Variants in ACADM observed in about 807,000 individuals in gnomAD.
The protein encoded by ACADM is acyl-CoA dehydrogenase medium chain.
A neutral mutation model predicts 58.9 loss-of-function variants in ACADM; 49 were observed. The observed-to-expected ratio is 0.83, with a 90% confidence interval of 0.66 to 1.06. The LOEUF (loss-of-function observed/expected upper bound fraction) is 1.06. Among genes scored for constraint, ACADM ranks in the 50% least tolerant of loss-of-function variants. The pLI is 0.00. For synonymous variants in ACADM, 160 were observed against 157.7 expected, an observed-to-expected ratio of 1.01 and a Z score of -0.11; for missense variants, 496 against 507.0, an observed-to-expected ratio of 0.98 and a Z score of 0.21.
chr1:75,751,872 C>T (rs1165683081), intron 10 of ACADM, among the ~76,000 whole-genome samples: 3 of 152,030 alleles, frequency 2.0e-5, no homozygotes, highest in East Asian at 3.9e-4. Flanking sequence ...TATAAAGAGT[C>T]GTGTCTTCCA....
intron 2 of ACADM, among the ~76,000 whole-genome samples, chr1:75,731,082 C>T (rs368689652): frequency 1.0e-3 from 155 of 151,280 alleles, no homozygotes; most frequent in African/African-American, 3.6e-3. Context: ...GTCAGAAGAT[C>T]GAGATCCTGG....
At chr1:75,735,609 T>C (rs1647235603) in intron 6 of ACADM, among the ~76,000 whole-genome samples, 1 of 152,140 alleles carries the variant, frequency 6.6e-6, no homozygotes. Flanking sequence ...TCCCAGCACT[T>C]TGAGAGTCTG....
rs1260394550 is a variant in ACADM at position 75,740,005 on chromosome 1, C to G, written c.494C>G (p.Ala165Gly). Residue 165 changes from alanine to glycine, a missense_variant, in exon 7 of 12, where the codon GCA (alanine) becomes GGA (glycine). Coordinates refer to ENST00000370841, the MANE Select transcript of ACADM (RefSeq NM_000016.6). The part of the protein sequence containing the change: ...MCAYCVTEPG[A>G]GSDVAGIKTK... ...GCTTATTGTGTAACAGAACCTGGAGCAGGCTCTGATGTAGCTGGTATAAAG... is the reference window on the plus strand; with the variant it reads ...GCTTATTGTGTAACAGAACCTGGAGGAGGCTCTGATGTAGCTGGTATAAAG... 6.2e-7 allele frequency: 1 copy of G among 1,612,176 alleles called. No homozygotes were observed. Among genetic ancestry groups the G allele is most frequent in the Non-Finnish European group, 8.5e-7 (1 of 1,178,618 alleles).
chr1:75,730,817 G>A (rs1250879), intron 2 of ACADM, among the ~76,000 whole-genome samples: 11,337 of 152,000 alleles, frequency 0.075, 1,407 homozygotes, highest in African/African-American at 0.26. Flanking sequence ...ATGAGCTACC[G>A]TGCCCAGACT....
chr1:75,744,180 A>G lies in ACADM; in HGVS notation c.600-1626A>G, dbSNP rs551843073. Reference sequence around the variant, plus strand: ...GGGACAGCAGTGGGTTTTACTGCAGACACAGGTTTGCTAGAAGGAGGTTGT... The same window carrying G: ...GGGACAGCAGTGGGTTTTACTGCAGGCACAGGTTTGCTAGAAGGAGGTTGT... On this transcript the variant is annotated intron_variant, in intron 7 of 11. Transcript: ENST00000370841. 6.4e-6 allele frequency: 10 copies of G among 1,572,238 alleles called. No homozygotes were observed. The African/African-American group carries it at 1.3e-4, about 21-fold the overall frequency.
chr1:75,758,313 C>T (rs1209485808), intron 10 of ACADM, among the ~76,000 whole-genome samples: 2 of 152,160 alleles, frequency 1.3e-5, no homozygotes, highest in Non-Finnish European at 2.9e-5. Flanking sequence ...TCAGGTGATC[C>T]ACCCACCTTG....
At position 75,755,732 on chromosome 1, in the gene ACADM, G is replaced by A. The variant is rs571135562; in HGVS notation, c.945+5186G>A. ...CTCCTCCAAAGGAATGCAGCTCCTC[G>A]CCAGCAACGGAAGAAAGCTGGATGG... On this transcript the variant is annotated intron_variant, in intron 10 of 11. Coordinates refer to ENST00000370841, the MANE Select transcript of ACADM (RefSeq NM_000016.6). Among the ~76,000 whole-genome samples, 272 of 152,274 alleles carry A rather than the reference G, an allele frequency of 1.8e-3. 1 individual carries two copies. The highest frequency in any genetic ancestry group is 6.3e-3 in the African/African-American group (261 of 41,564).
At chr1:75,732,447 C>CTTTA in intron 2 of ACADM, 197 bp from the exon 3 acceptor site, 1 of 589,452 alleles carries the variant, frequency 1.7e-6, no homozygotes, top group Non-Finnish European at 3.0e-6. Context: ...TACCTATTTC[C>CTTTA]TTTAGCATTT....
At chr1:75,727,370 G>T (rs1323064999) in intron 1 of ACADM, among the ~76,000 whole-genome samples, 1 of 152,104 alleles carries the variant, frequency 6.6e-6, no homozygotes, top group African/African-American at 2.4e-5. Context: ...ATATTCTTCA[G>T]CTGCTCTTTT....
intron 2 of ACADM, among the ~76,000 whole-genome samples, chr1:75,729,884 G>GTTTT (rs1292007644): frequency 8.3e-6 from 1 of 121,172 alleles, no homozygotes; most frequent in African/African-American, 3.8e-5. Context: ...TGGGATGGTG[G>GTTTT]ATTTTTTTTT....
intron 6 of ACADM, among the ~76,000 whole-genome samples, chr1:75,738,211 C>T (rs1381324827): frequency 2.0e-5 from 3 of 148,174 alleles, no homozygotes; most frequent in African/African-American, 7.5e-5. Flanking sequence ...CCACCATGCC[C>T]AGCCAAGTAT....
chr1:75,746,757 C>G (rs1189725802), intron 8 of ACADM, among the ~76,000 whole-genome samples: 1 of 152,018 alleles, frequency 6.6e-6, no homozygotes, highest in Non-Finnish European at 1.5e-5. Flanking sequence ...CACCACCACA[C>G]CTGGCTAATT....
At chr1:75,752,087 A>G (rs1358821085) in intron 10 of ACADM, among the ~76,000 whole-genome samples, 1 of 151,376 alleles carries the variant, frequency 6.6e-6, no homozygotes, top group Non-Finnish European at 1.5e-5. Flanking sequence ...GGATCAAGCA[A>G]TCCTCCCACC....
rs183443054 is a variant in ACADM, at chr1:75,737,311, T to C, written c.468+2440T>C. Among the ~76,000 whole-genome samples, 239 of 101,238 alleles carry C rather than the reference T, an allele frequency of 2.4e-3. 3 individuals are homozygous for C. Among genetic ancestry groups the C allele is most frequent in the African/African-American group, 4.7e-3 (126 of 26,884 alleles). The allele number at this position is 101,238 out of a possible 152,430, so 66.4% of individuals were successfully genotyped here. On this transcript the variant is annotated intron_variant, in intron 6 of 11. Transcript: ENST00000370841. ...ATATATATATATATATATATATATATATATATATATATATATGAAACCAAA... is the reference window on the plus strand; with the variant it reads ...ATATATATATATATATATATATATACATATATATATATATATGAAACCAAA...
chr1:75,753,814 T>G (rs1318946666), intron 10 of ACADM, among the ~76,000 whole-genome samples: 1 of 117,210 alleles, frequency 8.5e-6, no homozygotes, highest in South Asian at 3.0e-4. Flanking sequence ...TTTTTTTTTT[T>G]GAGACAGGGT....
At chr1:75,759,202 C>T (rs1409156703) in intron 10 of ACADM, among the ~76,000 whole-genome samples, 1 of 152,210 alleles carries the variant, frequency 6.6e-6, no homozygotes, top group Non-Finnish European at 1.5e-5. Flanking sequence ...GGAACCAACT[C>T]TGGACACACT....
intron 11 of ACADM, 117 bp downstream of exon 11, chr1:75,761,487 A>C (rs1356663862): frequency 1.8e-6 from 2 of 1,136,682 alleles, no homozygotes; most frequent in Non-Finnish European, 2.6e-6. Context: ...TGACTGTCAT[A>C]TATGGCTGTG....
intron 7 of ACADM, chr1:75,743,611 A>AG: frequency 6.4e-7 from 1 of 1,557,316 alleles, no homozygotes; most frequent in South Asian, 1.1e-5. Context: ...GATGGCAGAC[A>AG]GGGGGGTTGA....
chr1:75,729,956 TCCATCTGGGCTCATTGCAACCTCTG>T (rs1415780862), intron 2 of ACADM, among the ~76,000 whole-genome samples: 3 of 132,602 alleles, frequency 2.3e-5, no homozygotes, highest in Non-Finnish European at 4.7e-5. Flanking sequence ...TTGCAGTAGC[TCCATCTGGGCTCATTGCAACCTCTG>T]CCTCCTGGGT....
Sources: allele counts gnomAD v4.1 joint callset (sites outside exome capture counted in the v4.1 genomes callset), GRCh38; gene constraint gnomAD v4.1.1; transcripts MANE v1.5; gene names NCBI Gene and HGNC (gene_info 2026-07-23, HGNC 2026-07-21).